NAALAD2: variants seen among roughly 807,000 people sequenced by gnomAD.
NAALAD2 encodes N-acetylated-alpha-linked acidic dipeptidase 2.
NAALAD2 carries 89 observed loss-of-function variants against 95.6 expected under a neutral mutation model. That is an observed-to-expected ratio of 0.93 (90% CI 0.78 to 1.11). The LOEUF (loss-of-function observed/expected upper bound fraction) is 1.11. NAALAD2 is among the 50% of genes least tolerant of loss of function. NAALAD2 has a pLI of 0.00. For synonymous variants in NAALAD2, 264 were observed against 294.4 expected (o/e 0.90, Z 1.06); for missense variants, 894 against 872.4 (o/e 1.02, Z -0.31).
At chr11:90,163,165 T>G in intron 9 of NAALAD2, 131 bp downstream of exon 9, 6 of 1,228,772 alleles carry the variant, frequency 4.9e-6, no homozygotes, top group Non-Finnish European at 5.6e-6. Flanking sequence ...AGGAAAACTG[T>G]ACAAATCTAA....
chr11:90,147,559 C>T (rs778941959), intron 3 of NAALAD2, 43 bp downstream of exon 3: 15 of 1,516,734 alleles, frequency 9.9e-6, no homozygotes, highest in South Asian at 1.2e-5. Context: ...GCAATCCGAC[C>T]GTTTTATGTG....
At chr11:90,149,922 A>G (rs1951844144) in intron 4 of NAALAD2, among the ~76,000 whole-genome samples, 3 of 152,134 alleles carry the variant, frequency 2.0e-5, no homozygotes, top group Admixed American at 1.3e-4. Context: ...GTGGCTTTGT[A>G]TACACTGATG....
chr11:90,175,950 G>GTGTGTA lies in NAALAD2; in HGVS notation c.1503-20_1503-19insTGTATG, dbSNP rs769131259. ...TTTATGTGTGTGTGTGTGTGTGTGT[G>GTGTGTA]TGGATTGCATTCTACATCTAGAATC... On this transcript the variant is annotated intron_variant, in intron 14 of 18. Coordinates refer to ENST00000534061, the MANE Select transcript of NAALAD2 (RefSeq NM_005467.4). 1.8e-5 allele frequency: 26 copies of GTGTGTA among 1,448,852 alleles called. No homozygotes were observed. The South Asian group carries it at 2.3e-4, about 13-fold the overall frequency. The allele number at this position is 1,448,852 out of a possible 1,614,324, so 89.7% of individuals were successfully genotyped here. A position where few individuals can be genotyped will look rare whatever the true frequency, so the allele number is the denominator to read the frequency against.
intron 13 of NAALAD2, 107 bp downstream of exon 13, chr11:90,170,243 A>G (rs1952595935): frequency 2.7e-6 from 2 of 744,644 alleles, no homozygotes; most frequent in Non-Finnish European, 4.8e-6. Context: ...GTGAGAGAAC[A>G]TAATAGAATC....
intron 18 of NAALAD2, among the ~76,000 whole-genome samples, chr11:90,189,124 C>T (rs557856405): frequency 1.3e-5 from 2 of 148,498 alleles, no homozygotes; most frequent in Non-Finnish European, 3.0e-5. Context: ...GATGCCATTG[C>T]GAAAAGACTC....
At chr11:90,155,525 T>C (rs1302421084) in intron 6 of NAALAD2, among the ~76,000 whole-genome samples, 1 of 113,652 alleles carries the variant, frequency 8.8e-6, no homozygotes, top group African/African-American at 3.5e-5. Flanking sequence ...AATTACATAT[T>C]ATATATGCTA....
intron 14 of NAALAD2, among the ~76,000 whole-genome samples, chr11:90,175,452 A>AT (rs1176108622): frequency 2.6e-5 from 4 of 152,208 alleles, no homozygotes; most frequent in African/African-American, 9.6e-5. Context: ...TATATATGTG[A>AT]TAGATCAACA....
At chr11:90,162,012 C>T (rs1305575883) in intron 8 of NAALAD2, among the ~76,000 whole-genome samples, 1 of 151,464 alleles carries the variant, frequency 6.6e-6, no homozygotes, top group Non-Finnish European at 1.5e-5. Context: ...GCACAGTATA[C>T]TTTTGGTGGG....
intron 18 of NAALAD2, among the ~76,000 whole-genome samples, chr11:90,187,150 A>G (rs541791825): frequency 0.012 from 1,762 of 151,522 alleles, 38 homozygotes; most frequent in African/African-American, 0.041. Flanking sequence ...TAGAATGGCA[A>G]TCATTAAAAA....
chr11:90,184,416 A>C (rs1003286303), intron 18 of NAALAD2, among the ~76,000 whole-genome samples: 5 of 152,132 alleles, frequency 3.3e-5, no homozygotes, highest in African/African-American at 1.2e-4. Context: ...GGATGCACTC[A>C]ATAAATGGCA....
At chr11:90,169,372 T>G (rs1952566144) in intron 12 of NAALAD2, 1 of 161,458 alleles carries the variant, frequency 6.2e-6, no homozygotes, top group Non-Finnish European at 1.3e-5. Context: ...TGTAGAAATA[T>G]TTCCTGTATT....
rs1404486704 is a variant in NAALAD2, at chr11:90,150,718, T to G, written c.609+111T>G. 6 of 900,552 alleles carry G rather than the reference T, an allele frequency of 6.7e-6. No individual in the cohort carries two copies. In the East Asian group the frequency reaches 2.1e-4, roughly 31 times the overall value. 55.8% of individuals were successfully genotyped at this position (900,552 alleles called of 1,614,324 possible). A position where few individuals can be genotyped will look rare whatever the true frequency, so the allele number is the denominator to read the frequency against. On this transcript the variant is annotated intron_variant, in intron 5 of 18. Coordinates refer to ENST00000534061, the MANE Select transcript of NAALAD2 (RefSeq NM_005467.4). ...AAATTGCTTTCAAACATTTCTTTTC[T>G]TTTTTTCTTCCTATTTGCCATGGGT...
At chr11:90,170,947 T>G (rs1249156882) in intron 13 of NAALAD2, among the ~76,000 whole-genome samples, 1 of 152,222 alleles carries the variant, frequency 6.6e-6, no homozygotes, top group Non-Finnish European at 1.5e-5. Context: ...AAATCTGTTA[T>G]GGAGAAATCA....
At chr11:90,169,515 A>AAG (rs1555123573) in intron 12 of NAALAD2, 2 of 151,730 alleles carry the variant, frequency 1.3e-5, no homozygotes, top group African/African-American at 5.0e-5. Flanking sequence ...CTCAAAAAAA[A>AAG]AAAAAGAAAA....
At chr11:90,144,053 G>A (rs188456344) in intron 2 of NAALAD2, among the ~76,000 whole-genome samples, 1 of 152,270 alleles carries the variant, frequency 6.6e-6, no homozygotes, top group East Asian at 1.9e-4. Context: ...TGTCTGTTGT[G>A]AGGTGCTTTT....
chr11:90,143,709 A>G (rs1485445184), intron 2 of NAALAD2, among the ~76,000 whole-genome samples: 1 of 152,174 alleles, frequency 6.6e-6, no homozygotes, highest in Non-Finnish European at 1.5e-5. Flanking sequence ...AAGTACATAC[A>G]CTACAGTTAA....
At chr11:90,158,280 C>T in intron 7 of NAALAD2, 42 bp downstream of exon 7, 1 of 1,429,482 alleles carries the variant, frequency 7.0e-7, no homozygotes. Flanking sequence ...ATATTTTGCA[C>T]TAGTTGTCTA....
At chr11:90,138,268 G>A (rs1224305030) in intron 2 of NAALAD2, among the ~76,000 whole-genome samples, 1 of 152,114 alleles carries the variant, frequency 6.6e-6, no homozygotes, top group East Asian at 1.9e-4. Context: ...TCTTCACATT[G>A]AGTAGGCTGA....
intron 6 of NAALAD2, among the ~76,000 whole-genome samples, chr11:90,155,494 A>G (rs1377917897): frequency 2.6e-5 from 3 of 114,376 alleles, no homozygotes; most frequent in Non-Finnish European, 1.6e-5. Context: ...TATATATAAT[A>G]TATTATATAT....
Sources: allele counts gnomAD v4.1 joint callset (sites outside exome capture counted in the v4.1 genomes callset), GRCh38; gene constraint gnomAD v4.1.1; transcripts MANE v1.5; gene names NCBI Gene and HGNC (gene_info 2026-07-23, HGNC 2026-07-21).